AP3B1: variants seen among roughly 807,000 people sequenced by gnomAD.
AP3B1 encodes the protein adaptor related protein complex 3 subunit beta 1.
Under a neutral mutation model 132.5 loss-of-function variants are expected in AP3B1, and 61 were observed. The ratio of observed to expected loss-of-function variants is 0.46; its 90% CI spans 0.37 to 0.57. AP3B1 has a LOEUF of 0.57. AP3B1 is among the 20% of genes least tolerant of loss of function. The pLI is 0.00. For missense variants in AP3B1, 1,120 were observed against 1,289.4 expected (o/e 0.87, Z 2.01); for synonymous variants, 388 against 438.3 (o/e 0.89, Z 1.43).
At chr5:78,009,224 G>A (rs956322653) in intron 26 of AP3B1, among the ~76,000 whole-genome samples, 56 of 151,666 alleles carry the variant, frequency 3.7e-4, no homozygotes, top group African/African-American at 1.3e-3. Context: ...GGAAACCAAA[G>A]TGGGAGGACT....
At chr5:78,196,462 C>A (rs1372047269) in intron 7 of AP3B1, among the ~76,000 whole-genome samples, 5 of 152,186 alleles carry the variant, frequency 3.3e-5, no homozygotes, top group African/African-American at 1.2e-4. Flanking sequence ...GGCAACTTTG[C>A]AGTTTCTTAC....
At chr5:78,046,180 C>T (rs1478534023) in intron 22 of AP3B1, among the ~76,000 whole-genome samples, 1 of 152,190 alleles carries the variant, frequency 6.6e-6, no homozygotes, top group African/African-American at 2.4e-5. Flanking sequence ...CTGTACCAGG[C>T]CATGGGTTGT....
At chr5:78,280,417 A>G (rs954525585) in intron 1 of AP3B1, among the ~76,000 whole-genome samples, 1 of 152,206 alleles carries the variant, frequency 6.6e-6, no homozygotes, top group Non-Finnish European at 1.5e-5. Context: ...AGAATAGTGT[A>G]TTCCGTCCAA....
At chr5:78,188,195 G>A (rs544934310) in intron 7 of AP3B1, among the ~76,000 whole-genome samples, 94 of 152,160 alleles carry the variant, frequency 6.2e-4, no homozygotes, top group African/African-American at 2.2e-3. Flanking sequence ...TGATGAAATT[G>A]CCAAAAGCAA....
chr5:78,087,219 G>C (rs1000105623), intron 22 of AP3B1, among the ~76,000 whole-genome samples: 1 of 152,102 alleles, frequency 6.6e-6, no homozygotes, highest in Non-Finnish European at 1.5e-5. Flanking sequence ...ATCCAAAAAA[G>C]CTCCTAGACT....
chr5:78,282,745 C>T (rs1028527417), intron 1 of AP3B1, among the ~76,000 whole-genome samples: 1 of 151,864 alleles, frequency 6.6e-6, no homozygotes, highest in Non-Finnish European at 1.5e-5. Context: ...GGCATGGTGG[C>T]TCATGCCTGT....
intron 22 of AP3B1, among the ~76,000 whole-genome samples, chr5:78,047,407 G>T (rs1218444633): frequency 1.3e-5 from 2 of 152,186 alleles, no homozygotes; most frequent in Non-Finnish European, 2.9e-5. Flanking sequence ...ACTGGTGTGA[G>T]ATGGTATCTC....
chr5:78,123,149 G>A (rs915987118), intron 17 of AP3B1, among the ~76,000 whole-genome samples: 1 of 152,234 alleles, frequency 6.6e-6, no homozygotes, highest in Non-Finnish European at 1.5e-5. Context: ...GCCAGATGTA[G>A]AAAGCTGAAA....
chr5:78,070,218 C>T (rs1298076212), intron 22 of AP3B1, among the ~76,000 whole-genome samples: 2 of 151,816 alleles, frequency 1.3e-5, no homozygotes, highest in Non-Finnish European at 2.9e-5. Context: ...AACAGCCTGG[C>T]CAACATGGTG....
At chr5:78,021,947 TG>T (rs1747120377) in intron 24 of AP3B1, among the ~76,000 whole-genome samples, 3 of 152,160 alleles carry the variant, frequency 2.0e-5, no homozygotes, top group African/African-American at 7.2e-5. Context: ...TCCCACAGCC[TG>T]TGAGATGGTA....
intron 11 of AP3B1, among the ~76,000 whole-genome samples, chr5:78,168,032 A>C (rs1302081858): frequency 6.6e-6 from 1 of 151,608 alleles, no homozygotes; most frequent in African/African-American, 2.4e-5. Context: ...AAAAAAACAA[A>C]AAAAATAAAA....
chr5:78,234,109 T>C (rs979088986), intron 3 of AP3B1, among the ~76,000 whole-genome samples: 1 of 152,132 alleles, frequency 6.6e-6, no homozygotes, highest in Admixed American at 6.5e-5. Flanking sequence ...TTTACAACTG[T>C]AGTAAAAGGT....
chr5:78,273,084 T>C (rs1482445739), intron 1 of AP3B1, among the ~76,000 whole-genome samples: 1 of 113,020 alleles, frequency 8.8e-6, no homozygotes, highest in Non-Finnish European at 2.2e-5. Flanking sequence ...GCCATGATCC[T>C]TGAAAGAAGA....
chr5:78,244,769 C>T (rs1580536705), intron 2 of AP3B1, among the ~76,000 whole-genome samples: 1 of 152,080 alleles, frequency 6.6e-6, no homozygotes, highest in Admixed American at 6.5e-5. Context: ...GGCCGAGGAG[C>T]GTGGATCACA....
Position 78,240,032 on chromosome 5 carries a change from C to T in AP3B1, c.279+830G>A, listed in dbSNP as rs576841625. On this transcript the variant is annotated intron_variant, in intron 3 of 26. Transcript: ENST00000255194. ...AATAAAATCATAACTACAAAATTAG[C>T]GAACCCTCTGAAATCACACACCCAT... Among the ~76,000 whole-genome samples, 22 of 152,246 alleles carry T rather than the reference C, an allele frequency of 1.4e-4. No homozygotes were observed. The East Asian group carries it at 4.1e-3, about 28-fold the overall frequency.
intron 21 of AP3B1, among the ~76,000 whole-genome samples, chr5:78,099,339 T>G (rs1751033666): frequency 2.6e-5 from 4 of 152,188 alleles, no homozygotes; most frequent in Admixed American, 2.6e-4. Flanking sequence ...CAGTCAATTG[T>G]TCTCAGCAGG....
intron 7 of AP3B1, among the ~76,000 whole-genome samples, chr5:78,185,397 TG>T (rs1744563030): frequency 6.6e-6 from 1 of 152,152 alleles, no homozygotes; most frequent in African/African-American, 2.4e-5. Context: ...TCTAAATGCA[TG>T]TAAAGGACAT....
intron 7 of AP3B1, among the ~76,000 whole-genome samples, chr5:78,199,544 T>C (rs1230842317): frequency 6.6e-6 from 1 of 152,204 alleles, no homozygotes; most frequent in Non-Finnish European, 1.5e-5. Context: ...TCCTCATGTA[T>C]TCATTCTCTC....
chr5:78,285,147 GC>G (rs1394622043), intron 1 of AP3B1, among the ~76,000 whole-genome samples: 24 of 151,390 alleles, frequency 1.6e-4, no homozygotes, highest in Middle Eastern at 3.2e-3. Context: ...TACTCGGGAG[GC>G]TGAGGCAGGA....
Sources: allele counts gnomAD v4.1 joint callset (sites outside exome capture counted in the v4.1 genomes callset), GRCh38; gene constraint gnomAD v4.1.1; transcripts MANE v1.5; gene names NCBI Gene and HGNC (gene_info 2026-07-23, HGNC 2026-07-21).